Variants in KLHL1 observed in about 807,000 individuals in gnomAD.
KLHL1 encodes kelch like family member 1.
A neutral mutation model predicts 77.7 loss-of-function variants in KLHL1; 47 were observed. That is an observed-to-expected ratio of 0.60 (90% CI 0.48 to 0.77). The LOEUF (loss-of-function observed/expected upper bound fraction) is 0.77, where lower values mean the gene tolerates loss of function less well. Ranked by LOEUF, KLHL1 falls within the 30% of genes least tolerant of loss-of-function variation. The probability of loss-of-function intolerance (pLI) is 0.00; values close to 1 mark genes in which losing one functional copy is unlikely to be tolerated. For missense variants in KLHL1, 925 were observed against 910.8 expected (o/e 1.02, Z -0.20); for synonymous variants, 360 against 325.2 (o/e 1.11, Z -1.15).
At chr13:69,945,975 T>G (rs568538833) in intron 3 of KLHL1, among the ~76,000 whole-genome samples, 1 of 152,176 alleles carries the variant, frequency 6.6e-6, no homozygotes, top group Non-Finnish European at 1.5e-5. Context: ...GCTTATTCAA[T>G]GGAATACTTC....
chr13:69,703,814 G>A (rs1299264819), intron 10 of KLHL1, among the ~76,000 whole-genome samples: 1 of 151,662 alleles, frequency 6.6e-6, no homozygotes, highest in Non-Finnish European at 1.5e-5. Flanking sequence ...TAACCTAGGA[G>A]CAATAGGTTA....
intron 4 of KLHL1, among the ~76,000 whole-genome samples, chr13:69,939,622 T>C (rs1021843673): frequency 1.3e-5 from 2 of 151,932 alleles, no homozygotes; most frequent in African/African-American, 4.8e-5. Flanking sequence ...TCAATATGTA[T>C]ATCTGTATTG....
At chr13:70,051,526 T>C (rs1247358288) in intron 1 of KLHL1, among the ~76,000 whole-genome samples, 1 of 152,052 alleles carries the variant, frequency 6.6e-6, no homozygotes, top group African/African-American at 2.4e-5. Context: ...TATTTCCTAT[T>C]AAAAGACAAG....
chr13:70,018,051 C>A (rs1007118604), intron 1 of KLHL1, among the ~76,000 whole-genome samples: 3 of 151,384 alleles, frequency 2.0e-5, no homozygotes, highest in South Asian at 2.1e-4. Flanking sequence ...AGAACTAGCG[C>A]AAAAAAAAGT....
At chr13:69,912,323 T>C (rs371595674) in intron 4 of KLHL1, among the ~76,000 whole-genome samples, 5 of 152,164 alleles carry the variant, frequency 3.3e-5, no homozygotes, top group African/African-American at 1.2e-4. Context: ...ATTTATCCCT[T>C]CTGATATAAT....
chr13:69,765,597 C>G (rs1450398789), intron 7 of KLHL1, among the ~76,000 whole-genome samples: 1 of 152,170 alleles, frequency 6.6e-6, no homozygotes, highest in African/African-American at 2.4e-5. Context: ...GGCCACCACA[C>G]TTTCTCTCCT....
At chr13:69,726,057 A>G (rs1472703977) in intron 8 of KLHL1, among the ~76,000 whole-genome samples, 1 of 152,092 alleles carries the variant, frequency 6.6e-6, no homozygotes, top group Non-Finnish European at 1.5e-5. Flanking sequence ...TTTATTTATA[A>G]TCTGTATCCT....
At chr13:70,075,071 C>A (rs969697276) in intron 1 of KLHL1, among the ~76,000 whole-genome samples, 2 of 151,958 alleles carry the variant, frequency 1.3e-5, no homozygotes, top group African/African-American at 4.8e-5. Context: ...AAAAGGCATA[C>A]AAAATTTATG....
intron 7 of KLHL1, among the ~76,000 whole-genome samples, chr13:69,764,929 C>CTTTTTATTTTTTTTTTTTTTTT (rs1875207543): frequency 2.5e-5 from 1 of 39,714 alleles, no homozygotes; most frequent in Non-Finnish European, 4.5e-5. Flanking sequence ...TATATCTTTG[C>CTTTTTATTTTTTTTTTTTTTTT]TTTTTTTTTT....
chr13:69,795,396 G>T (rs1877058849), intron 7 of KLHL1, among the ~76,000 whole-genome samples: 1 of 152,020 alleles, frequency 6.6e-6, no homozygotes, highest in Non-Finnish European at 1.5e-5. Flanking sequence ...CTAAATCTGT[G>T]GATTTGCAAT....
intron 2 of KLHL1, among the ~76,000 whole-genome samples, chr13:69,971,380 A>T (rs1884376838): frequency 6.6e-6 from 1 of 151,972 alleles, no homozygotes; most frequent in Non-Finnish European, 1.5e-5. Flanking sequence ...CTAATTAAAC[A>T]TACTGTTTCA....
At chr13:69,816,143 T>C (rs11617036) in intron 6 of KLHL1, among the ~76,000 whole-genome samples, 40,501 of 151,932 alleles carry the variant, frequency 0.27, 5,475 homozygotes, top group South Asian at 0.34. Context: ...TTAGAAGATA[T>C]ATAATTTTGA....
chr13:69,983,589 A>AAAAAAAAAAAAAAAAAAAG (rs1216543322), intron 1 of KLHL1, among the ~76,000 whole-genome samples: 1,358 of 131,562 alleles, frequency 0.01, 14 homozygotes, highest in African/African-American at 0.014. Flanking sequence ...AAAAAAAAAA[A>AAAAAAAAAAAAAAAAAAAG]AAGAAGAAGA....
In KLHL1 at chr13:69,783,428, C is replaced by T. The variant is rs111238126; in HGVS notation, c.1639+13310G>A. ...TGGCAAAGCAGTTAAATACTGTGAA[C>T]AAAAAATTAGACAAATGGATAACTA... On this transcript the variant is annotated intron_variant, in intron 7 of 10. Transcript: ENST00000377844. Among the ~76,000 whole-genome samples, 15 of 151,990 alleles carry T rather than the reference C, an allele frequency of 9.9e-5. 1 individual carries two copies. Among genetic ancestry groups the T allele is most frequent in the African/African-American group, 3.1e-4 (13 of 41,454 alleles).
chr13:69,859,871 C>T (rs1880067032), intron 5 of KLHL1, among the ~76,000 whole-genome samples: 1 of 152,060 alleles, frequency 6.6e-6, no homozygotes, highest in Admixed American at 6.6e-5. Flanking sequence ...GCTAAGTGAT[C>T]ATTATCACAT....
intron 4 of KLHL1, among the ~76,000 whole-genome samples, chr13:69,903,309 G>C (rs1881933542): frequency 6.6e-6 from 1 of 152,146 alleles, no homozygotes; most frequent in African/African-American, 2.4e-5. Context: ...ATCTCACAGA[G>C]ATTTCTGGTT....
chr13:69,730,769 G>A (rs1873508331), intron 8 of KLHL1, among the ~76,000 whole-genome samples: 1 of 151,948 alleles, frequency 6.6e-6, no homozygotes, highest in Admixed American at 6.6e-5. Flanking sequence ...TTGTAGAGAT[G>A]GGGTCTCACT....
intron 7 of KLHL1, among the ~76,000 whole-genome samples, chr13:69,777,786 T>TAA (rs1159085236): frequency 2.3e-4 from 35 of 152,272 alleles, no homozygotes; most frequent in South Asian, 2.3e-3. Context: ...TATAACTAAC[T>TAA]CTTTATTTAA....
intron 3 of KLHL1, among the ~76,000 whole-genome samples, chr13:69,944,774 C>G (rs1235806835): frequency 6.6e-6 from 1 of 151,900 alleles, no homozygotes; most frequent in Non-Finnish European, 1.5e-5. Flanking sequence ...TGAAAAATAA[C>G]AAAGTGAGAA....
Sources: allele counts gnomAD v4.1 joint callset (sites outside exome capture counted in the v4.1 genomes callset), GRCh38; gene constraint gnomAD v4.1.1; transcripts MANE v1.5; gene names NCBI Gene and HGNC (gene_info 2026-07-23, HGNC 2026-07-21).